Variants in PTK7 observed in about 807,000 individuals in gnomAD.
The protein encoded by PTK7 is protein tyrosine kinase 7 (inactive).
In PTK7, 39 loss-of-function variants were observed where a neutral mutation model predicts 116.6. That is an observed-to-expected ratio of 0.33 (90% confidence interval 0.26 to 0.44). The LOEUF (loss-of-function observed/expected upper bound fraction) is 0.44. PTK7 is among the 20% of genes least tolerant of loss of function. The probability of loss-of-function intolerance (pLI) is 1.00; values close to 1 mark genes in which losing one functional copy is unlikely to be tolerated. For missense variants in PTK7, 1,169 were observed against 1,425.6 expected (o/e 0.82, Z 2.90); for synonymous variants, 546 against 563.6 (o/e 0.97, Z 0.44).
chr6:43,083,809 A>G lies in PTK7; in HGVS notation c.79+7242A>G, dbSNP rs561269034. Among the ~76,000 whole-genome samples, 9 of 152,346 alleles carry G rather than the reference A, an allele frequency of 5.9e-5. No individual in the cohort carries two copies. In the South Asian group the frequency reaches 1.9e-3, roughly 32 times the overall value. ...GCCCCTGTTAGAAGTGTAAGCCTTG[A>G]TAAGCGGGATATGCACTCACAGGTT... On this transcript the variant is annotated intron_variant, in intron 1 of 19. Coordinates refer to ENST00000230419, the MANE Select transcript of PTK7 (RefSeq NM_002821.5).
chr6:43,107,217 C>T (rs527737368), intron 1 of PTK7, among the ~76,000 whole-genome samples: 1 of 152,200 alleles, frequency 6.6e-6, no homozygotes, highest in Non-Finnish European at 1.5e-5. Flanking sequence ...AGCCACCTCG[C>T]CTGGACTCCC....
chr6:43,117,675 C>A (rs1447887289), intron 1 of PTK7, among the ~76,000 whole-genome samples: 1 of 152,104 alleles, frequency 6.6e-6, no homozygotes, highest in East Asian at 1.9e-4. Flanking sequence ...AGTCTGTCCG[C>A]CAGGCAGGAG....
At chr6:43,159,569 T>C (rs1771712870) in intron 18 of PTK7, 1 of 587,164 alleles carries the variant, frequency 1.7e-6, no homozygotes, top group Admixed American at 3.1e-5. Context: ...GTTTGATTCT[T>C]AATGGAAATT....
In PTK7 at chr6:43,139,069, C is replaced by G; in HGVS notation, c.1363-67C>G. On this transcript the variant is annotated intron_variant, in intron 8 of 19. Transcript: ENST00000230419. This position sits in a 1 kb window ranked among gnomAD's most constrained non-coding sequence, Gnocchi z 4.6. ...TGCTCACCTCCATAGCACTCTTACC[C>G]TGGAGGCAGCCTCCAGGGAGAGGTG... The G allele has an allele frequency of 3.1e-6, 5 of 1,610,014 alleles. No individual in the cohort carries two copies. The South Asian group carries it at 5.5e-5, about 18-fold the overall frequency.
intron 1 of PTK7, among the ~76,000 whole-genome samples, chr6:43,090,973 G>A (rs1054995811): frequency 6.6e-6 from 1 of 152,018 alleles, no homozygotes; most frequent in Non-Finnish European, 1.5e-5. Context: ...GCCAAGTCAG[G>A]GTTATTTGCC....
rs1770529186 is a variant in PTK7, at chr6:43,143,342, T to G, written c.2048-75T>G. 4 of 1,448,392 alleles carry G rather than the reference T, an allele frequency of 2.8e-6. No homozygotes were observed. The South Asian group carries it at 3.6e-5, about 13-fold the overall frequency. 89.7% of individuals were successfully genotyped at this position (1,448,392 alleles called of 1,614,324 possible). A position where few individuals can be genotyped will look rare whatever the true frequency, so the allele number is the denominator to read the frequency against. The stretch of plus-strand genomic sequence containing the variant: ...TGTTAAGTTGCCCTGTTGATGGGGT[T>G]GGGAGGAGTTAGTAGAGAAGCAGGG... On this transcript the variant is annotated intron_variant, in intron 13 of 19. Transcript: ENST00000230419. This position sits in a 1 kb window ranked among gnomAD's most constrained non-coding sequence, Gnocchi z 4.2.
chr6:43,148,126 G>A (rs988589053), intron 17 of PTK7, among the ~76,000 whole-genome samples: 1 of 152,172 alleles, frequency 6.6e-6, no homozygotes, highest in African/African-American at 2.4e-5. Context: ...GTGGGGGCAT[G>A]CCTGTAGTCC....
At chr6:43,132,736 G>C (rs1262863482) in intron 7 of PTK7, 49 bp downstream of exon 7, 1 of 1,550,850 alleles carries the variant, frequency 6.4e-7, no homozygotes, top group Non-Finnish European at 8.7e-7. Context: ...GGGAACACAG[G>C]TCTGGGTGTG....
chr6:43,118,620 C>CTT (rs1768709669), intron 1 of PTK7, among the ~76,000 whole-genome samples: 1 of 63,366 alleles, frequency 1.6e-5, no homozygotes, highest in South Asian at 6.4e-4. Flanking sequence ...AATATTTTAA[C>CTT]CTCTCTCTCT....
intron 7 of PTK7, 53 bp from the exon 8 acceptor site, chr6:43,138,796 T>C (rs926042942): frequency 5.2e-6 from 8 of 1,543,292 alleles, no homozygotes; most frequent in Non-Finnish European, 7.0e-6. Context: ...ATGGATCCTT[T>C]AGTTTTGGAG....
intron 1 of PTK7, among the ~76,000 whole-genome samples, chr6:43,114,132 G>T (rs776568424): frequency 6.6e-6 from 1 of 152,204 alleles, no homozygotes; most frequent in Non-Finnish European, 1.5e-5. Flanking sequence ...GGTTAAATGG[G>T]CTGGGACCTG....
intron 1 of PTK7, among the ~76,000 whole-genome samples, chr6:43,124,899 G>A (rs1769194324): frequency 6.6e-6 from 1 of 152,118 alleles, no homozygotes; most frequent in Non-Finnish European, 1.5e-5. Context: ...TCTGCTGGGC[G>A]GGGTGGCTCA....
intron 14 of PTK7, among the ~76,000 whole-genome samples, chr6:43,144,032 T>C (rs1424210705): frequency 6.6e-6 from 1 of 152,226 alleles, no homozygotes; most frequent in African/African-American, 2.4e-5. Context: ...CTTGAGGTCA[T>C]TGCTGGGTCT....
At chr6:43,152,855 G>T (rs1032615044) in intron 17 of PTK7, among the ~76,000 whole-genome samples, 4 of 151,948 alleles carry the variant, frequency 2.6e-5, no homozygotes, top group Admixed American at 2.6e-4. Context: ...GCAGGACCTC[G>T]GCTCACTGTA....
At chr6:43,090,743 C>T (rs1297301366) in intron 1 of PTK7, among the ~76,000 whole-genome samples, 1 of 152,172 alleles carries the variant, frequency 6.6e-6, no homozygotes, top group African/African-American at 2.4e-5. Flanking sequence ...GCCAAAGTAT[C>T]AGATTTCCAA....
intron 1 of PTK7, among the ~76,000 whole-genome samples, chr6:43,088,466 G>A (rs765144173): frequency 2.2e-4 from 33 of 152,006 alleles, no homozygotes; most frequent in Admixed American, 3.9e-4. Flanking sequence ...AGGCCGAGGC[G>A]GGTGGATCAT....
At chr6:43,157,168 G>GTTTT (rs553929831) in intron 17 of PTK7, among the ~76,000 whole-genome samples, 1 of 132,134 alleles carries the variant, frequency 7.6e-6, no homozygotes, top group East Asian at 2.3e-4. Flanking sequence ...TTGGATTGTG[G>GTTTT]TTTTTTTTTT....
intron 1 of PTK7, among the ~76,000 whole-genome samples, chr6:43,103,133 A>G (rs1278755813): frequency 1.3e-5 from 2 of 152,256 alleles, no homozygotes; most frequent in African/African-American, 2.4e-5. Flanking sequence ...AGAAAATACA[A>G]CAGGAACATT....
At chr6:43,109,646 G>A (rs1337940785) in intron 1 of PTK7, among the ~76,000 whole-genome samples, 2 of 151,776 alleles carry the variant, frequency 1.3e-5, no homozygotes, top group African/African-American at 4.8e-5. Context: ...TCATTTGATG[G>A]GTAGAACTCG....
Sources: allele counts gnomAD v4.1 joint callset (sites outside exome capture counted in the v4.1 genomes callset), GRCh38; gene constraint gnomAD v4.1.1; non-coding constraint Gnocchi (gnomAD v3.1); transcripts MANE v1.5; gene names NCBI Gene and HGNC (gene_info 2026-07-23, HGNC 2026-07-21).